The following FYN variants were observed in gnomAD, a reference collection of about 807,000 sequenced individuals.
FYN encodes the protein tyrosine-protein kinase Fyn.
In FYN, 10 loss-of-function variants were observed where a neutral mutation model predicts 70.2. The ratio of observed to expected loss-of-function variants is 0.14; its 90% CI spans 0.09 to 0.24. FYN has a LOEUF of 0.24. FYN is among the 10% of genes least tolerant of loss of function. FYN has a pLI of 1.00. For missense variants in FYN, 319 were observed against 673.1 expected, an observed-to-expected ratio of 0.47 and a Z score of 5.82; for synonymous variants, 236 against 248.6, an observed-to-expected ratio of 0.95 and a Z score of 0.48.
intron 5 of FYN, among the ~76,000 whole-genome samples, chr6:111,709,954 T>C (rs1283780557): frequency 6.6e-6 from 1 of 152,122 alleles, no homozygotes; most frequent in Non-Finnish European, 1.5e-5. Flanking sequence ...TAAGAACATA[T>C]GTGGAAGTTT....
chr6:111,709,234 C>A (rs998609363), intron 5 of FYN, among the ~76,000 whole-genome samples: 9 of 151,930 alleles, frequency 5.9e-5, no homozygotes, highest in Non-Finnish European at 8.8e-5. Flanking sequence ...TCAAAGCTTT[C>A]AGCCAGGGGA....
chr6:111,754,968 G>GTTT (rs56205301), intron 3 of FYN, among the ~76,000 whole-genome samples: 35 of 142,838 alleles, frequency 2.5e-4, no homozygotes, highest in African/African-American at 7.0e-4. Flanking sequence ...AATTTAAGCT[G>GTTT]TTTTTTTTTT....
chr6:111,869,049 T>C (rs1487804381), intron 1 of FYN, among the ~76,000 whole-genome samples: 1 of 152,240 alleles, frequency 6.6e-6, no homozygotes, highest in Non-Finnish European at 1.5e-5. Context: ...AACAGATGAA[T>C]ATAATGAAGT....
At chr6:111,839,734 T>C (rs1044135280) in intron 2 of FYN, among the ~76,000 whole-genome samples, 3 of 152,018 alleles carry the variant, frequency 2.0e-5, no homozygotes, top group Non-Finnish European at 4.4e-5. Context: ...GAAAAAAGGA[T>C]TTTTCAGGGG....
chr6:111,680,951 C>A (rs186295597), intron 12 of FYN, among the ~76,000 whole-genome samples: 1 of 152,276 alleles, frequency 6.6e-6, no homozygotes, highest in African/African-American at 2.4e-5. Context: ...TGGGCTTACT[C>A]AAGCAAGTTT....
intron 8 of FYN, among the ~76,000 whole-genome samples, chr6:111,701,703 T>C (rs1360427747): frequency 6.6e-6 from 1 of 152,196 alleles, no homozygotes; most frequent in African/African-American, 2.4e-5. Context: ...TTGGCTGTAA[T>C]GAAATATATT....
At chr6:111,664,576 G>A (rs1463003861) in intron 13 of FYN, among the ~76,000 whole-genome samples, 1 of 152,138 alleles carries the variant, frequency 6.6e-6, no homozygotes, top group Admixed American at 6.5e-5. Flanking sequence ...AGCACACTTG[G>A]TGATGTGAAC....
chr6:111,666,744 G>A (rs1318803793), intron 13 of FYN, among the ~76,000 whole-genome samples: 1 of 152,120 alleles, frequency 6.6e-6, no homozygotes, highest in Non-Finnish European at 1.5e-5. Flanking sequence ...GAGGTGGAAA[G>A]ATTGCTTGAG....
intron 12 of FYN, among the ~76,000 whole-genome samples, chr6:111,692,788 G>A (rs866518904): frequency 3.9e-5 from 6 of 152,150 alleles, no homozygotes; most frequent in Non-Finnish European, 5.9e-5. Context: ...CTTGCCTCAG[G>A]ATAAAGTCCC....
At chr6:111,728,659 T>A (rs941150707) in intron 3 of FYN, among the ~76,000 whole-genome samples, 32 of 152,356 alleles carry the variant, frequency 2.1e-4, no homozygotes, top group African/African-American at 7.7e-4. Flanking sequence ...GGTTCATTCA[T>A]GTAACATGTA....
At chr6:111,863,216 T>C (rs1583502295) in intron 1 of FYN, among the ~76,000 whole-genome samples, 2 of 152,172 alleles carry the variant, frequency 1.3e-5, no homozygotes, top group South Asian at 2.1e-4. Context: ...CAATAAAAGG[T>C]GATACCCTTC....
intron 9 of FYN, 179 bp downstream of exon 9, chr6:111,699,925 T>C: frequency 3.9e-6 from 2 of 516,900 alleles, no homozygotes; most frequent in East Asian, 4.2e-5. Flanking sequence ...TTTTTTTTTT[T>C]TTTTTTTTTT....
intron 3 of FYN, among the ~76,000 whole-genome samples, chr6:111,730,435 A>G (rs919714428): frequency 3.5e-4 from 53 of 152,162 alleles, no homozygotes; most frequent in Non-Finnish European, 6.6e-4. Context: ...TTGGCACCTA[A>G]CCAAGGCAAT....
In FYN at chr6:111,660,932, T is replaced by G. The variant is rs1378846666; in HGVS notation, c.*807A>C. 6.6e-6 allele frequency: 1 copy of G among 152,224 alleles called. No individual in the cohort carries two copies. Among genetic ancestry groups the G allele is most frequent in the African/African-American group, 2.4e-5 (1 of 41,456 alleles). 9.4% of individuals were successfully genotyped at this position (152,224 alleles called of 1,614,324 possible). A position where few individuals can be genotyped will look rare whatever the true frequency, so the allele number is the denominator to read the frequency against. On this transcript the variant is annotated 3_prime_UTR_variant, in exon 14 of 14. Coordinates refer to ENST00000354650, the MANE Select transcript of FYN (RefSeq NM_002037.5). ...AGTTTTGAGAACAAATCGCAGTAAG[T>G]TGAAGCAAATAGTGCTAACAGAACT...
At chr6:111,856,187 T>C (rs1454681551) in intron 1 of FYN, among the ~76,000 whole-genome samples, 1 of 152,230 alleles carries the variant, frequency 6.6e-6, no homozygotes, top group East Asian at 1.9e-4. Context: ...TGAAAACAGT[T>C]ACACATTTCA....
chr6:111,693,672 G>A (rs1261248738), intron 12 of FYN, among the ~76,000 whole-genome samples: 1 of 152,052 alleles, frequency 6.6e-6, no homozygotes, highest in African/African-American at 2.4e-5. Flanking sequence ...AGAGATTTTC[G>A]AGTAACTATG....
chr6:111,812,100 C>G (rs1030066894), intron 2 of FYN, among the ~76,000 whole-genome samples: 3 of 152,204 alleles, frequency 2.0e-5, no homozygotes, highest in African/African-American at 7.2e-5. Flanking sequence ...TTGTAAAGAG[C>G]CTTGTACATC....
chr6:111,770,016 G>C (rs1370244921), intron 3 of FYN, among the ~76,000 whole-genome samples: 1 of 152,094 alleles, frequency 6.6e-6, no homozygotes. Context: ...GGGCAAAAAA[G>C]CAGATCAAGT....
chr6:111,746,476 CATG>C (rs1399972431), intron 3 of FYN, among the ~76,000 whole-genome samples: 2 of 152,138 alleles, frequency 1.3e-5, no homozygotes, highest in African/African-American at 4.8e-5. Flanking sequence ...GACATTTGTC[CATG>C]ATATTGTATA....
Sources: gnomAD v4.1 joint callset for allele counts (sites outside exome capture counted in the v4.1 genomes callset) on GRCh38, gnomAD v4.1.1 for gene constraint, MANE v1.5 for transcripts, NCBI Gene and HGNC (gene_info 2026-07-23, HGNC 2026-07-21) for gene names.